ROCK2: variants seen among roughly 807,000 people sequenced by gnomAD.
ROCK2 encodes the protein rho-associated protein kinase 2.
ROCK2 carries 61 observed loss-of-function variants against 195.1 expected under a neutral mutation model. The observed-to-expected ratio is 0.31, with a 90% CI of 0.25 to 0.39. The LOEUF (loss-of-function observed/expected upper bound fraction) is 0.39. ROCK2 is among the 10% of genes least tolerant of loss of function. The pLI is 1.00. For missense variants in ROCK2, 1,109 were observed against 1,637.4 expected (o/e 0.68, Z 5.57); for synonymous variants, 504 against 545.5 (o/e 0.92, Z 1.06).
In ROCK2 at chr2:11,344,064, T is replaced by C; in HGVS notation, c.73A>G (p.Ser25Gly). ...ETAPGDGAGA[S>G]RQRKLEALIR... ...AGCGCCTCCAGCTTCCTCTGGCGGC[T>C]CGCGCCTGCCCCGTCCCCCGGCGCG... Residue 25 changes from serine (S) to glycine (G), a missense_variant, in exon 1 of 33, where the codon AGC (serine) becomes GGC (glycine). Physicochemically the swap from Ser to Gly is moderately conservative, Grantham distance 56. This residue lies in a region of ROCK2 where 64 missense variants were observed against 62.4 expected (regional missense o/e 1.03). Transcript: ENST00000315872. The surrounding 1 kb of genome is among the most constrained non-coding windows in gnomAD (Gnocchi z 5.4). The C allele has an allele frequency of 6.3e-7, 1 of 1,584,154 alleles. No individual in the cohort carries two copies. The highest frequency in any genetic ancestry group is 2.5e-5 in the East Asian group (1 of 40,252).
At chr2:11,343,876 C>T in intron 1 of ROCK2, 120 bp downstream of exon 1, 1 of 1,282,370 alleles carries the variant, frequency 7.8e-7, no homozygotes, top group Non-Finnish European at 1.0e-6. Context: ...CTGCCGGAAG[C>T]AGGGCGGGGT....
intron 32 of ROCK2, among the ~76,000 whole-genome samples, chr2:11,185,021 GAAAC>G (rs1339229642): frequency 6.6e-6 from 1 of 152,140 alleles, no homozygotes; most frequent in African/African-American, 2.4e-5. Flanking sequence ...GGGATAATAA[GAAAC>G]AATCTGCTTC....
Position 11,342,325 on chromosome 2 carries a change from G to C in ROCK2, c.141+1671C>G, listed in dbSNP as rs754070159. The stretch of plus-strand genomic sequence containing the variant: ...CTGCTAAATGAATGAACTGTGTCCT[G>C]AACATGTGAGATGTTTCACTTTTAA... On this transcript the variant is annotated intron_variant, in intron 1 of 32. Transcript: ENST00000315872. Among the ~76,000 whole-genome samples the C allele has an allele frequency of 5.3e-5, 8 of 152,114 alleles. No homozygotes were observed. The South Asian group carries it at 6.2e-4, about 12-fold the overall frequency.
rs547173973 is a variant in ROCK2 at position 11,272,043 on chromosome 2, T to C, written c.324+14496A>G. 2.7e-5 allele frequency among the ~76,000 whole-genome samples: 4 copies of C among 148,756 alleles called. No individual in the cohort carries two copies. In the Admixed American group the frequency reaches 2.7e-4, roughly 10 times the overall value. ...TCAAAAAAAAAAAAAAAAAGTAGAA[T>C]TGAAAGGTTCATTTGGAGCAGATCT... On this transcript the variant is annotated intron_variant, in intron 3 of 32. Transcript: ENST00000315872.
In ROCK2 at chr2:11,249,654, T is replaced by C; in HGVS notation, c.462+7A>G. The C allele has an allele frequency of 1.4e-6, 2 of 1,479,506 alleles. No homozygotes were observed. Among genetic ancestry groups the C allele is most frequent in the Non-Finnish European group, 1.8e-6 (2 of 1,118,972 alleles). 91.6% of individuals were successfully genotyped at this position (1,479,506 alleles called of 1,614,324 possible). On this transcript the variant is annotated splice_region_variant and intron_variant, in intron 4 of 32. Coordinates refer to ENST00000315872, the MANE Select transcript of ROCK2 (RefSeq NM_004850.5). Reference sequence around the variant, plus strand: ...GGAAATAAACTTATAAAAGTTAGTATGCTTACCTGAACCACCCAGGGGCTA... The same window carrying C: ...GGAAATAAACTTATAAAAGTTAGTACGCTTACCTGAACCACCCAGGGGCTA...
chr2:11,208,601 C>CTTT (rs34964630), intron 18 of ROCK2, among the ~76,000 whole-genome samples, 154 bp from the exon 19 acceptor site: 4 of 140,206 alleles, frequency 2.9e-5, no homozygotes, highest in Non-Finnish European at 3.1e-5. Context: ...TTTTTCTTTT[C>CTTT]TTTTTTTTTT....
intron 3 of ROCK2, among the ~76,000 whole-genome samples, chr2:11,285,438 A>T (rs1305716759): frequency 6.6e-6 from 1 of 152,044 alleles, no homozygotes; most frequent in Admixed American, 6.6e-5. Context: ...TCATCATATT[A>T]TCCTCAAGTG....
At position 11,235,840 on chromosome 2, in the gene ROCK2, A is replaced by G; in HGVS notation, c.585T>C (p.Thr195=). Residue 195 remains threonine (T), a synonymous_variant, in exon 5 of 33, where the codon ACT becomes ACC. Coordinates refer to ENST00000315872, the MANE Select transcript of ROCK2 (RefSeq NM_004850.5). The surrounding 1 kb of genome is among the most constrained non-coding windows in gnomAD (Gnocchi z 4.2). ...DVPEKWAKFY[T]AEVVLALDAI... The stretch of plus-strand genomic sequence containing the variant: ...CATCCAGAGCAAGAACAACTTCAGC[A>G]GTGTAAAATTTGGCCCATTTTTCAG... 6.2e-7 allele frequency: 1 copy of G among 1,614,046 alleles called. No individual in the cohort carries two copies. Among genetic ancestry groups the G allele is most frequent in the South Asian group, 1.1e-5 (1 of 91,072 alleles).
At chr2:11,309,423 A>G (rs911040443) in intron 1 of ROCK2, among the ~76,000 whole-genome samples, 9 of 152,210 alleles carry the variant, frequency 5.9e-5, no homozygotes, top group Non-Finnish European at 1.0e-4. Context: ...TATACACAAA[A>G]TAAAGATGGT....
At chr2:11,328,918 G>A (rs1391500707) in intron 1 of ROCK2, among the ~76,000 whole-genome samples, 7 of 144,244 alleles carry the variant, frequency 4.9e-5, no homozygotes, top group Non-Finnish European at 9.1e-5. Flanking sequence ...GGACTGTTGT[G>A]GGGTGAGGGG....
chr2:11,208,976 C>A (rs1664157293), intron 18 of ROCK2, among the ~76,000 whole-genome samples: 1 of 152,300 alleles, frequency 6.6e-6, no homozygotes, highest in African/African-American at 2.4e-5. Context: ...TCACACTCTG[C>A]AATATTACAT....
intron 28 of ROCK2, 118 bp from the exon 29 acceptor site, chr2:11,194,462 AAAAGTATTTAATAT>A (rs1663549086): frequency 2.5e-6 from 1 of 393,070 alleles, no homozygotes; most frequent in African/African-American, 2.1e-5. Flanking sequence ...TAAGTAACTA[AAAAGTATTTAATAT>A]ATCTTTAGGA....
At chr2:11,305,690 A>G (rs1667838338) in intron 1 of ROCK2, among the ~76,000 whole-genome samples, 1 of 152,206 alleles carries the variant, frequency 6.6e-6, no homozygotes, top group African/African-American at 2.4e-5. Flanking sequence ...TTGTGCCAAA[A>G]AGGAAGGAAG....
In ROCK2 at chr2:11,344,326, A is replaced by G. The variant is rs541317017; in HGVS notation, c.-190T>C. On this transcript the variant is annotated 5_prime_UTR_variant, in exon 1 of 33. Coordinates refer to ENST00000315872, the MANE Select transcript of ROCK2 (RefSeq NM_004850.5). This position sits in a 1 kb window ranked among gnomAD's most constrained non-coding sequence, Gnocchi z 5.4. ...CTGCTCCCAGGGGCCCGCCCGGCCC[A>G]GCCCGGCCCAGCCCGGCCCGGCCCT... 1.1e-3 allele frequency: 1,262 copies of G among 1,166,874 alleles called. 5 individuals are homozygous for G. The highest frequency in any genetic ancestry group is 2.7e-3 in the South Asian group (61 of 22,580). The allele number at this position is 1,166,874 out of a possible 1,614,324, so 72.3% of individuals were successfully genotyped here. A position where few individuals can be genotyped will look rare whatever the true frequency, so the allele number is the denominator to read the frequency against.
At chr2:11,250,484 G>A (rs1665791306) in intron 3 of ROCK2, among the ~76,000 whole-genome samples, 1 of 152,140 alleles carries the variant, frequency 6.6e-6, no homozygotes, top group Non-Finnish European at 1.5e-5. Flanking sequence ...AATATTTAAT[G>A]AATGATTATA....
intron 12 of ROCK2, among the ~76,000 whole-genome samples, 194 bp from the exon 13 acceptor site, chr2:11,216,400 G>A (rs1248926352): frequency 6.6e-6 from 1 of 152,124 alleles, no homozygotes; most frequent in Non-Finnish European, 1.5e-5. Flanking sequence ...CCACGTTCAA[G>A]CGACTGTCCT....
chr2:11,288,289 A>G (rs1667260298), intron 1 of ROCK2, among the ~76,000 whole-genome samples: 1 of 152,170 alleles, frequency 6.6e-6, no homozygotes, highest in Non-Finnish European at 1.5e-5. Flanking sequence ...TTCTACAGTG[A>G]ACATGCATTA....
At chr2:11,317,458 G>C (rs1451885577) in intron 1 of ROCK2, among the ~76,000 whole-genome samples, 1 of 149,952 alleles carries the variant, frequency 6.7e-6, no homozygotes, top group East Asian at 2.0e-4. Context: ...ACATAACTTT[G>C]CAGCATTGTT....
chr2:11,224,241 A>T lies in ROCK2; in HGVS notation c.1007+81T>A, dbSNP rs957675665. The T allele has an allele frequency of 1.4e-5, 18 of 1,316,296 alleles. No homozygotes were observed. In the South Asian group the frequency reaches 2.4e-4, roughly 18 times the overall value. The allele number at this position is 1,316,296 out of a possible 1,614,324, so 81.5% of individuals were successfully genotyped here. A position where few individuals can be genotyped will look rare whatever the true frequency, so the allele number is the denominator to read the frequency against. On this transcript the variant is annotated intron_variant, in intron 7 of 32. Transcript: ENST00000315872. Reference sequence around the variant, plus strand: ...GTAATGAGAGGCAGACTGATTTCATATGTTAATAAGCTAGGCATGCTTTTA... The same window carrying T: ...GTAATGAGAGGCAGACTGATTTCATTTGTTAATAAGCTAGGCATGCTTTTA...
Sources: gnomAD v4.1 joint callset for allele counts (sites outside exome capture counted in the v4.1 genomes callset) on GRCh38, gnomAD v4.1.1 for gene constraint, gnomAD v4.1.1 regional missense constraint, Gnocchi (gnomAD v3.1) non-coding constraint, MANE v1.5 for transcripts, NCBI Gene and HGNC (gene_info 2026-07-23, HGNC 2026-07-21) for gene names.